Variants in PAWR observed in about 807,000 individuals in gnomAD.
PAWR encodes the protein pro-apoptotic WT1 regulator, also known as PRKC apoptosis WT1 regulator protein.
PAWR carries 23 observed loss-of-function variants against 32.0 expected under a neutral mutation model. The observed-to-expected ratio is 0.72, with a 90% CI of 0.52 to 1.02. The LOEUF is 1.02. Among genes scored for constraint, PAWR ranks in the 50% least tolerant of loss-of-function variants. PAWR has a pLI of 0.00. For synonymous variants in PAWR, 226 were observed against 187.1 expected (o/e 1.21, Z -1.70); for missense variants, 457 against 437.7 (o/e 1.04, Z -0.39).
intron 2 of PAWR, among the ~76,000 whole-genome samples, chr12:79,676,457 C>T (rs377715050): frequency 1.4e-4 from 21 of 152,230 alleles, no homozygotes; most frequent in African/African-American, 5.1e-4. Context: ...AAACTGAAAA[C>T]ATTAATAAAC....
chr12:79,690,440 G>A (rs956206731), intron 1 of PAWR, 49 bp from the exon 2 acceptor site: 4 of 1,197,966 alleles, frequency 3.3e-6, no homozygotes, highest in Admixed American at 3.9e-5. Flanking sequence ...TAAGATCCCC[G>A]CCCGACCCAA....
chr12:79,635,758 G>T (rs2136757109), intron 2 of PAWR: 1 of 152,206 alleles, frequency 6.6e-6, no homozygotes, highest in African/African-American at 2.4e-5. Context: ...AAAAAAGTTT[G>T]AAAGCCACTG....
rs564735491 is a variant in PAWR at position 79,588,552 on chromosome 12, G to A, written c.*4055C>T. 5.9e-5 allele frequency: 9 copies of A among 151,878 alleles called. No individual in the cohort carries two copies. The highest frequency in any genetic ancestry group is 2.9e-5 in the Non-Finnish European group (2 of 67,850). 9.4% of individuals were successfully genotyped at this position (151,878 alleles called of 1,614,324 possible). A position where few individuals can be genotyped will look rare whatever the true frequency, so the allele number is the denominator to read the frequency against. ...GTGGCTGAATACTTAACACAAAGAA[G>A]TACTTTTGAGTAAACTATTCAGATT... On this transcript the variant is annotated 3_prime_UTR_variant, in exon 7 of 7. Transcript: ENST00000328827.
rs369575420 is a variant in PAWR, at chr12:79,671,215, T to C, written c.516+18514A>G. Among the ~76,000 whole-genome samples, 94 of 152,134 alleles carry C rather than the reference T, an allele frequency of 6.2e-4. 1 individual carries two copies. The highest frequency in any genetic ancestry group is 2.1e-3 in the African/African-American group (89 of 41,536). ...AGCCTAAAGTTGTTTGGTGGTGTTT[T>C]AAACTTTAATTCAACAAAATGGAAA... On this transcript the variant is annotated intron_variant, in intron 2 of 6. Coordinates refer to ENST00000328827, the MANE Select transcript of PAWR (RefSeq NM_002583.4).
At chr12:79,633,378 G>A (rs966411563) in intron 2 of PAWR, among the ~76,000 whole-genome samples, 3 of 151,874 alleles carry the variant, frequency 2.0e-5, no homozygotes, top group Non-Finnish European at 4.4e-5. Flanking sequence ...ATAAACACAC[G>A]AAAAGACACT....
rs142140668 is a variant in PAWR, at chr12:79,612,866, A to G, written c.683+709T>C. Among the ~76,000 whole-genome samples, 621 of 152,308 alleles carry G rather than the reference A, an allele frequency of 4.1e-3. 12 individuals carry two copies. The highest frequency in any genetic ancestry group is 0.014 in the African/African-American group (589 of 41,562). On this transcript the variant is annotated intron_variant, in intron 4 of 6. Coordinates refer to ENST00000328827, the MANE Select transcript of PAWR (RefSeq NM_002583.4). ...TGATTTTCTTCCTATACATATACAT[A>G]CACAAACACATTCTCTGGTTAGAAG...
intron 2 of PAWR, among the ~76,000 whole-genome samples, chr12:79,646,666 G>C (rs1418109264): frequency 6.6e-6 from 1 of 152,096 alleles, no homozygotes; most frequent in Non-Finnish European, 1.5e-5. Context: ...GAAAAAAGGA[G>C]AAAGAGAATT....
chr12:79,635,470 T>C (rs1407498140), intron 2 of PAWR: 1 of 152,124 alleles, frequency 6.6e-6, no homozygotes, highest in Admixed American at 6.6e-5. Flanking sequence ...GACCTACACC[T>C]TGTTTAACTG....
Position 79,676,370 on chromosome 12 carries a change from A to G in PAWR, c.516+13359T>C, listed in dbSNP as rs149604159. ...TCTGATTTAATCAATCTTTCAAATTATCATGTGACTCAAGATAATAATAAG... is the reference window on the plus strand; with the variant it reads ...TCTGATTTAATCAATCTTTCAAATTGTCATGTGACTCAAGATAATAATAAG... On this transcript the variant is annotated intron_variant, in intron 2 of 6. Coordinates refer to ENST00000328827, the MANE Select transcript of PAWR (RefSeq NM_002583.4). Among the ~76,000 whole-genome samples, 217 of 152,312 alleles carry G rather than the reference A, an allele frequency of 1.4e-3. 1 individual carries two copies. Among genetic ancestry groups the G allele is most frequent in the African/African-American group, 5.1e-3 (212 of 41,570 alleles).
chr12:79,615,280 C>A (rs1275185461), intron 3 of PAWR, among the ~76,000 whole-genome samples: 1 of 152,124 alleles, frequency 6.6e-6, no homozygotes, highest in Admixed American at 6.5e-5. Flanking sequence ...ACCAGCAATT[C>A]CTTTCTTTCT....
At chr12:79,611,928 A>T (rs1300360919) in intron 4 of PAWR, among the ~76,000 whole-genome samples, 1 of 152,158 alleles carries the variant, frequency 6.6e-6, no homozygotes, top group Non-Finnish European at 1.5e-5. Context: ...ATTCTAATTA[A>T]AGAACACAAA....
At chr12:79,602,744 C>T (rs532882681) in intron 4 of PAWR, among the ~76,000 whole-genome samples, 2 of 151,458 alleles carry the variant, frequency 1.3e-5, no homozygotes, top group African/African-American at 4.8e-5. Flanking sequence ...TATGGAGCTA[C>T]AGGCATATGC....
chr12:79,664,066 A>C (rs1877478437), intron 2 of PAWR, among the ~76,000 whole-genome samples: 1 of 152,224 alleles, frequency 6.6e-6, no homozygotes. Flanking sequence ...CTTACATTCC[A>C]AACAGAAATT....
intron 2 of PAWR, among the ~76,000 whole-genome samples, chr12:79,657,784 A>T: frequency 6.6e-6 from 1 of 151,266 alleles, no homozygotes; most frequent in East Asian, 1.9e-4. Flanking sequence ...ACAGAGCGAG[A>T]CTCCGTCTCA....
chr12:79,663,051 C>A (rs952101452), intron 2 of PAWR, among the ~76,000 whole-genome samples: 1 of 152,148 alleles, frequency 6.6e-6, no homozygotes, highest in African/African-American at 2.4e-5. Flanking sequence ...GAGAGCCTGT[C>A]CACCTACCTA....
chr12:79,640,741 T>C (rs1876282533), intron 2 of PAWR, among the ~76,000 whole-genome samples: 2 of 152,118 alleles, frequency 1.3e-5, no homozygotes, highest in South Asian at 2.1e-4. Context: ...AGCAAGACCC[T>C]GTCTTTAAAA....
chr12:79,601,908 C>A (rs74108118), intron 4 of PAWR, among the ~76,000 whole-genome samples: 3,812 of 152,180 alleles, frequency 0.025, 188 homozygotes, highest in African/African-American at 0.087. Flanking sequence ...TCAAAATCAG[C>A]GTAATTTTTC....
chr12:79,625,451 A>C (rs1566007479), intron 2 of PAWR, among the ~76,000 whole-genome samples: 1 of 152,232 alleles, frequency 6.6e-6, no homozygotes, highest in African/African-American at 2.4e-5. Flanking sequence ...TCATATACAC[A>C]TTATAATCAA....
rs1284309790 is a variant in PAWR, at chr12:79,589,479, A to G, written c.*3128T>C. 6.6e-6 allele frequency: 1 copy of G among 152,092 alleles called. No homozygotes were observed. The highest frequency in any genetic ancestry group is 1.5e-5 in the Non-Finnish European group (1 of 67,980). The allele number at this position is 152,092 out of a possible 1,614,324, so 9.4% of individuals were successfully genotyped here. A position where few individuals can be genotyped will look rare whatever the true frequency, so the allele number is the denominator to read the frequency against. ...TTAAAAATTTTTTAAACTGAAGAAA[A>G]AAAAAAACTACATTGCTCCACATAC... On this transcript the variant is annotated 3_prime_UTR_variant, in exon 7 of 7. Transcript: ENST00000328827.
Sources: gnomAD v4.1 joint callset for allele counts (sites outside exome capture counted in the v4.1 genomes callset) on GRCh38, gnomAD v4.1.1 for gene constraint, MANE v1.5 for transcripts, NCBI Gene and HGNC (gene_info 2026-07-23, HGNC 2026-07-21) for gene names.